Variants in MYBPC1 observed in about 807,000 individuals in gnomAD.
MYBPC1 encodes myosin-binding protein C, slow-type.
In MYBPC1, 52 loss-of-function variants were observed where a neutral mutation model predicts 147.1. The ratio of observed to expected loss-of-function variants is 0.35; its 90% CI spans 0.28 to 0.45. MYBPC1 has a LOEUF of 0.45. MYBPC1 is among the 20% of genes least tolerant of loss of function. MYBPC1 has a pLI of 1.00. For synonymous variants in MYBPC1, 477 were observed against 475.9 expected, an observed-to-expected ratio of 1.00 and a Z score of -0.03; for missense variants, 1,228 against 1,440.3, an observed-to-expected ratio of 0.85 and a Z score of 2.39.
intron 9 of MYBPC1, 31 bp from the exon 10 acceptor site, chr12:101,636,640 AC>A (rs889232456): frequency 2.5e-6 from 4 of 1,605,594 alleles, no homozygotes; most frequent in South Asian, 1.1e-5. Flanking sequence ...TCTGCATTAA[AC>A]CCAGATTTGC....
chr12:101,644,170 G>C (rs988328637), intron 11 of MYBPC1, among the ~76,000 whole-genome samples: 1 of 152,064 alleles, frequency 6.6e-6, no homozygotes, highest in African/African-American at 2.4e-5. Context: ...CCGAGTAGCT[G>C]GGATTACAGG....
chr12:101,649,577 A>G (rs1893965698), intron 15 of MYBPC1, 151 bp downstream of exon 15: 1 of 864,034 alleles, frequency 1.2e-6, no homozygotes, highest in African/African-American at 1.7e-5. Flanking sequence ...TCTATGTCAG[A>G]TCAATCAGGA....
chr12:101,643,937 T>C (rs1331848101), intron 11 of MYBPC1, among the ~76,000 whole-genome samples: 2 of 152,214 alleles, frequency 1.3e-5, no homozygotes, highest in African/African-American at 4.8e-5. Context: ...TCTTATAAAT[T>C]CTGTGGTTAA....
In MYBPC1 at chr12:101,661,247, G is replaced by A. The variant is rs967875015; in HGVS notation, c.2017G>A (p.Gly673Ser). 1.1e-5 allele frequency: 17 copies of A among 1,612,434 alleles called. No homozygotes were observed. Among genetic ancestry groups the A allele is most frequent in the Non-Finnish European group, 1.4e-5 (17 of 1,178,706 alleles). ...CTGGGAGCCTCCTGCCTACGACGGA[G>A]GCTCTCCAATCCTAGGTAACTGCAT... The part of the protein sequence containing the change: ...MNWEPPAYDG[G>S]SPILGYFIER... Residue 673 changes from glycine to serine, a missense_variant, in exon 20 of 32, where the codon GGC becomes AGC. Gly to Ser is a moderately conservative substitution (Grantham distance 56). Transcript: ENST00000361466.
At chr12:101,641,069 A>G (rs1170987455) in intron 10 of MYBPC1, among the ~76,000 whole-genome samples, 3 of 147,064 alleles carry the variant, frequency 2.0e-5, no homozygotes, top group Admixed American at 6.9e-5. Flanking sequence ...CTGAGATCAC[A>G]CCACTTCACT....
intron 3 of MYBPC1, among the ~76,000 whole-genome samples, chr12:101,623,930 T>C (rs887793425): frequency 8.5e-5 from 13 of 152,198 alleles, no homozygotes; most frequent in African/African-American, 3.1e-4. Flanking sequence ...TGCACAATGT[T>C]GTGGAATGTG....
chr12:101,601,108 T>C (rs974610557), intron 1 of MYBPC1, among the ~76,000 whole-genome samples: 2 of 152,208 alleles, frequency 1.3e-5, no homozygotes, highest in Non-Finnish European at 2.9e-5. Context: ...CATGAGGGGT[T>C]TCCTAAAATT....
intron 8 of MYBPC1, among the ~76,000 whole-genome samples, chr12:101,632,450 C>T (rs558473034): frequency 8.5e-5 from 13 of 152,120 alleles, no homozygotes; most frequent in Non-Finnish European, 1.8e-4. Flanking sequence ...TCCACTTTCC[C>T]ACTTAGGTTT....
chr12:101,692,564 T>C, the MYBPC1 span, among the ~76,000 whole-genome samples: 1 of 152,198 alleles, frequency 6.6e-6, no homozygotes, highest in African/African-American at 2.4e-5. Context: ...GGGATAACAA[T>C]GGTCTACTTC....
At chr12:101,651,147 C>A in intron 15 of MYBPC1, 84 bp from the exon 16 acceptor site, 1 of 1,396,672 alleles carries the variant, frequency 7.2e-7, no homozygotes, top group Non-Finnish European at 1.0e-6. Flanking sequence ...TGTAGTAGAG[C>A]TCACTATACC....
chr12:101,651,688 C>T (rs936571430), intron 16 of MYBPC1, among the ~76,000 whole-genome samples: 1 of 152,172 alleles, frequency 6.6e-6, no homozygotes, highest in African/African-American at 2.4e-5. Flanking sequence ...TGCCTGTAAT[C>T]CCAACACTTT....
At chr12:101,658,794 AG>A (rs751860467) in intron 18 of MYBPC1, among the ~76,000 whole-genome samples, 1 of 152,244 alleles carries the variant, frequency 6.6e-6, no homozygotes, top group Non-Finnish European at 1.5e-5. Context: ...GAATTATTTC[AG>A]GTATTCTTAC....
chr12:101,671,660 TG>T (rs1407664657), intron 24 of MYBPC1, among the ~76,000 whole-genome samples: 2 of 152,188 alleles, frequency 1.3e-5, no homozygotes, highest in Admixed American at 6.5e-5. Flanking sequence ...GCCCCAACCC[TG>T]CACTGGGGCT....
intron 10 of MYBPC1, among the ~76,000 whole-genome samples, chr12:101,641,726 C>T (rs959405864): frequency 1.3e-5 from 2 of 152,048 alleles, no homozygotes; most frequent in African/African-American, 2.4e-5. Context: ...ATTTTTAAAA[C>T]CTAGTCTCCT....
Position 101,661,204 on chromosome 12 carries a change from T to C in MYBPC1, c.1974T>C (p.Asp658=), listed in dbSNP as rs1156464136. The C allele has an allele frequency of 3.7e-6, 6 of 1,613,912 alleles. No individual in the cohort carries two copies. Among genetic ancestry groups the C allele is most frequent in the Non-Finnish European group, 5.1e-6 (6 of 1,179,968 alleles). The change falls in exon 20 of 32, where the codon GAT becomes GAC. Residue 658 remains aspartate (D), a synonymous_variant. Transcript: ENST00000361466. ...PVAPTVTEVG[D]DWCIMNWEPP... is the part of the protein sequence containing the mutation. The stretch of plus-strand genomic sequence containing the variant: ...CACCGACTGTGACAGAGGTGGGAGA[T>C]GACTGGTGTATCATGAACTGGGAGC...
intron 1 of MYBPC1, among the ~76,000 whole-genome samples, chr12:101,607,462 A>G (rs773269946): frequency 1.3e-5 from 2 of 152,226 alleles, no homozygotes; most frequent in Non-Finnish European, 2.9e-5. Flanking sequence ...CTTTGAGAAT[A>G]AGAAACGATA....
rs1052574558 is a variant in MYBPC1 at position 101,652,762 on chromosome 12, G to A, written c.1611G>A (p.Leu537=). The change falls in exon 17 of 32, where the codon CTG becomes CTA. Residue 537 remains leucine (L), a synonymous_variant. Coordinates refer to ENST00000361466, the MANE Select transcript of MYBPC1 (RefSeq NM_002465.4). Reference sequence around the variant, plus strand: ...CACCTGATGCCTACAATGTTACTCTGCCTGCCAAAGTTCATGTTATTGGTG... The same window carrying A: ...CACCTGATGCCTACAATGTTACTCTACCTGCCAAAGTTCATGTTATTGGTG... ...VFAPDAYNVT[L]PAKVHVIDPP... is the part of the protein sequence containing the mutation. The A allele has an allele frequency of 6.2e-7, 1 of 1,613,176 alleles. No individual in the cohort carries two copies. The highest frequency in any genetic ancestry group is 8.5e-7 in the Non-Finnish European group (1 of 1,179,172).
At chr12:101,672,630 A>C (rs1003406209) in intron 24 of MYBPC1, among the ~76,000 whole-genome samples, 1 of 152,098 alleles carries the variant, frequency 6.6e-6, no homozygotes, top group Non-Finnish European at 1.5e-5. Flanking sequence ...TGTGAATCAC[A>C]TGAGGTCAGG....
At chr12:101,671,945 G>A (rs953175) in intron 24 of MYBPC1, among the ~76,000 whole-genome samples, 7,230 of 152,222 alleles carry the variant, frequency 0.047, 575 homozygotes, top group African/African-American at 0.16. Flanking sequence ...AGGCAGGAAG[G>A]CCAGATTTCC....
Sources: gnomAD v4.1 joint callset for allele counts (sites outside exome capture counted in the v4.1 genomes callset) on GRCh38, gnomAD v4.1.1 for gene constraint, MANE v1.5 for transcripts, NCBI Gene and HGNC (gene_info 2026-07-23, HGNC 2026-07-21) for gene names.